Variants in EMC1 observed in about 807,000 individuals in gnomAD.
The protein encoded by EMC1 is ER membrane protein complex subunit 1.
A neutral mutation model predicts 128.8 loss-of-function variants in EMC1; 103 were observed. The ratio of observed to expected loss-of-function variants is 0.80; its 90% CI spans 0.68 to 0.94. The LOEUF (loss-of-function observed/expected upper bound fraction) is 0.94, where lower values mean the gene tolerates loss of function less well. EMC1 is among the 40% of genes least tolerant of loss of function. EMC1 has a pLI of 0.00. For synonymous variants in EMC1, 442 were observed against 490.4 expected, an observed-to-expected ratio of 0.90 and a Z score of 1.30; for missense variants, 1,083 against 1,250.6, an observed-to-expected ratio of 0.87 and a Z score of 2.02.
rs530810381 is a variant in EMC1 at position 19,239,417 on chromosome 1, C to T, written c.955-115G>A. The T allele has an allele frequency of 7.0e-5, 60 of 852,988 alleles. No individual in the cohort carries two copies. The Admixed American group carries it at 1.3e-3, about 19-fold the overall frequency. 52.8% of individuals were successfully genotyped at this position (852,988 alleles called of 1,614,324 possible). ...GCCTTAGAGTTGAAAGTGCTCCCCACTTTGGAGCAGAATGGTCAGGCATTT... is the reference window on the plus strand; with the variant it reads ...GCCTTAGAGTTGAAAGTGCTCCCCATTTTGGAGCAGAATGGTCAGGCATTT... On this transcript the variant is annotated intron_variant, in intron 8 of 22. Coordinates refer to ENST00000477853, the MANE Select transcript of EMC1 (RefSeq NM_015047.3).
intron 8 of EMC1, among the ~76,000 whole-genome samples, 200 bp from the exon 9 acceptor site, chr1:19,239,502 A>G (rs1226993050): frequency 2.0e-5 from 3 of 152,206 alleles, no homozygotes; most frequent in African/African-American, 7.2e-5. Context: ...CCCTACCTCC[A>G]ACGCAGGCAC....
intron 13 of EMC1, chr1:19,234,139 A>G (rs1417032556): frequency 1.0e-6 from 1 of 981,260 alleles, no homozygotes; most frequent in Non-Finnish European, 1.2e-6. Context: ...TAGCCATGTG[A>G]GCAGGCAACG....
At chr1:19,243,204 T>C (rs2093616096) in intron 4 of EMC1, among the ~76,000 whole-genome samples, 1 of 152,156 alleles carries the variant, frequency 6.6e-6, no homozygotes, top group Admixed American at 6.6e-5. Flanking sequence ...CACTGCACTC[T>C]AGCCTGGGTG....
chr1:19,237,355 A>G (rs1429967021), intron 11 of EMC1, 117 bp from the exon 12 acceptor site: 1 of 752,964 alleles, frequency 1.3e-6, no homozygotes, highest in African/African-American at 1.7e-5. Context: ...GCATTATTTG[A>G]TGTCTAAACA....
intron 1 of EMC1, among the ~76,000 whole-genome samples, chr1:19,245,818 G>C (rs572033834): frequency 6.6e-6 from 1 of 151,366 alleles, no homozygotes; most frequent in Non-Finnish European, 1.5e-5. Context: ...GTAGACATGG[G>C]GTTTCACCAT....
intron 1 of EMC1, among the ~76,000 whole-genome samples, chr1:19,249,102 A>C (rs1382766048): frequency 1.3e-5 from 2 of 152,194 alleles, no homozygotes; most frequent in Non-Finnish European, 2.9e-5. Flanking sequence ...TACAAAAGTC[A>C]AAAATTAAAA....
chr1:19,236,408 G>A (rs1218026963), intron 12 of EMC1, among the ~76,000 whole-genome samples: 1 of 151,736 alleles, frequency 6.6e-6, no homozygotes, highest in East Asian at 1.9e-4. Flanking sequence ...TGTAATCCCA[G>A]CACTTTGGGA....
rs116718496 is a variant in EMC1, at chr1:19,240,189, A to G, written c.786+108T>C. 306 of 1,417,106 alleles carry G rather than the reference A, an allele frequency of 2.2e-4. 1 individual carries two copies. The African/African-American group carries it at 3.8e-3, about 17-fold the overall frequency. The allele number at this position is 1,417,106 out of a possible 1,614,324, so 87.8% of individuals were successfully genotyped here. A position where few individuals can be genotyped will look rare whatever the true frequency, so the allele number is the denominator to read the frequency against. ...TCAGCCAGAGGCCTGAATGGCTTCC[A>G]CTGCTCAGGAAGAGTCTAGGAGAAA... is the stretch of plus-strand genomic sequence containing the variant. On this transcript the variant is annotated intron_variant, in intron 7 of 22. Transcript: ENST00000477853.
intron 8 of EMC1, 140 bp downstream of exon 8, chr1:19,239,678 C>A (rs1006589765): frequency 2.5e-6 from 2 of 807,156 alleles, no homozygotes; most frequent in Admixed American, 2.6e-5. Flanking sequence ...CTACCTACCC[C>A]CTCTCAAACC....
At chr1:19,236,829 G>T (rs569470507) in intron 12 of EMC1, among the ~76,000 whole-genome samples, 1 of 151,326 alleles carries the variant, frequency 6.6e-6, no homozygotes. Context: ...TTAGCTGGTC[G>T]TGGTGGCACA....
intron 6 of EMC1, 73 bp from the exon 7 acceptor site, chr1:19,240,519 T>C: frequency 6.5e-7 from 1 of 1,548,848 alleles, no homozygotes; most frequent in South Asian, 1.1e-5. Flanking sequence ...AACAGCAATA[T>C]TGCTGCCAGC....
At chr1:19,235,349 CT>C in intron 12 of EMC1, 97 bp from the exon 13 acceptor site, 2 of 1,329,654 alleles carry the variant, frequency 1.5e-6, no homozygotes, top group Non-Finnish European at 2.0e-6. Context: ...GGGTGAATCT[CT>C]TGAGCCCAGG....
At position 19,219,645 on chromosome 1, in the gene EMC1, A is replaced by G. The variant is rs759773407; in HGVS notation, c.2726T>C (p.Phe909Ser). ...SPDVQIHAERFINYNQTVSRM... is the reference protein window; with the variant it reads ...SPDVQIHAERSINYNQTVSRM... ...AGAAACTGTCTGGTTATAGTTGATGAATCGCTCTGCGTGTATCTGTACATC... is the reference window on the plus strand; with the variant it reads ...AGAAACTGTCTGGTTATAGTTGATGGATCGCTCTGCGTGTATCTGTACATC... Residue 909 changes from phenylalanine (F) to serine (S), a missense_variant, in exon 22 of 23, where the codon TTC (phenylalanine) becomes TCC (serine). This residue lies in a region of EMC1 where 527 missense variants were observed against 644.1 expected (regional missense o/e 0.82). Coordinates refer to ENST00000477853, the MANE Select transcript of EMC1 (RefSeq NM_015047.3). 8 of 1,613,978 alleles carry G rather than the reference A, an allele frequency of 5.0e-6. No individual in the cohort carries two copies. Among genetic ancestry groups the G allele is most frequent in the Non-Finnish European group, 5.9e-6 (7 of 1,180,004 alleles).
chr1:19,219,292 G>A lies in EMC1; in HGVS notation c.*11C>T. ...CCCTGGCTCTCCACTTTTAGGCACA[G>A]TCTTTGTTCTTTATCGCCAGGCCCG... On this transcript the variant is annotated 3_prime_UTR_variant, in exon 23 of 23. Coordinates refer to ENST00000477853, the MANE Select transcript of EMC1 (RefSeq NM_015047.3). 1.9e-6 allele frequency: 3 copies of A among 1,613,934 alleles called. No individual in the cohort carries two copies. The highest frequency in any genetic ancestry group is 1.7e-4 in the Middle Eastern group (1 of 6,044).
chr1:19,234,183 GA>G, intron 13 of EMC1: 1 of 985,208 alleles, frequency 1.0e-6, no homozygotes, highest in South Asian at 4.7e-5. Context: ...GTTTTACCTT[GA>G]ATTGCTGGAT....
chr1:19,223,305 A>G (rs1047979620), intron 19 of EMC1, 91 bp downstream of exon 19: 2 of 1,251,152 alleles, frequency 1.6e-6, no homozygotes, highest in Non-Finnish European at 2.3e-6. Context: ...AGATCCTAAG[A>G]AAACCAAAGC....
chr1:19,247,115 T>A (rs2093635211), intron 1 of EMC1, among the ~76,000 whole-genome samples: 1 of 152,222 alleles, frequency 6.6e-6, no homozygotes, highest in Non-Finnish European at 1.5e-5. Context: ...CCTCCAGAAC[T>A]GTGAGAATAT....
In EMC1 at chr1:19,244,008, G is replaced by C; in HGVS notation, c.228C>G (p.Arg76=). The change falls in exon 3 of 23, where the codon CGC becomes CGG. Residue 76 remains arginine (R), a synonymous_variant. Coordinates refer to ENST00000477853, the MANE Select transcript of EMC1 (RefSeq NM_015047.3). ...LNSRTGEILW[R]HVDKGTAEGA... is the part of the protein sequence containing the mutation. ...CTTCTGCCGTGCCCTTGTCAACATGGCGCCACACTGAGAGACATGAAAGTT... is the reference window on the plus strand; with the variant it reads ...CTTCTGCCGTGCCCTTGTCAACATGCCGCCACACTGAGAGACATGAAAGTT... The C allele has an allele frequency of 6.2e-7, 1 of 1,614,064 alleles. No homozygotes were observed. Among genetic ancestry groups the C allele is most frequent in the Non-Finnish European group, 8.5e-7 (1 of 1,179,996 alleles).
Position 19,219,639 on chromosome 1 carries a change from T to C in EMC1, c.2732A>G (p.Asn911Ser), listed in dbSNP as rs2093416273. 1 of 1,614,108 alleles carries C rather than the reference T, an allele frequency of 6.2e-7. No homozygotes were observed. Among genetic ancestry groups the C allele is most frequent in the Non-Finnish European group, 8.5e-7 (1 of 1,180,016 alleles). ...DVQIHAERFI[N>S]YNQTVSRMRG... ...CATTCGAGAAACTGTCTGGTTATAG[T>C]TGATGAATCGCTCTGCGTGTATCTG... Residue 911 changes from asparagine (N) to serine (S), a missense_variant, in exon 22 of 23, where the codon AAC becomes AGC. By Grantham distance (46) the Asn-to-Ser change is conservative. Coordinates refer to ENST00000477853, the MANE Select transcript of EMC1 (RefSeq NM_015047.3).
Sources: gnomAD v4.1 joint callset for allele counts (sites outside exome capture counted in the v4.1 genomes callset) on GRCh38, gnomAD v4.1.1 for gene constraint, gnomAD v4.1.1 regional missense constraint, MANE v1.5 for transcripts, NCBI Gene and HGNC (gene_info 2026-07-23, HGNC 2026-07-21) for gene names.